Variants in CACNA2D1 observed in about 807,000 individuals in gnomAD.
CACNA2D1 encodes voltage-dependent calcium channel subunit alpha-2/delta-1.
CACNA2D1 carries 53 observed loss-of-function variants against 171.5 expected under a neutral mutation model. That is an observed-to-expected ratio of 0.31 (90% confidence interval 0.25 to 0.39). The LOEUF is 0.39. CACNA2D1 is among the 10% of genes least tolerant of loss of function. The probability of loss-of-function intolerance (pLI) is 1.00; values close to 1 mark genes in which losing one functional copy is unlikely to be tolerated. For missense variants in CACNA2D1, 903 were observed against 1,299.8 expected, an observed-to-expected ratio of 0.69 and a Z score of 4.69; for synonymous variants, 442 against 443.1, an observed-to-expected ratio of 1.00 and a Z score of 0.03.
intron 3 of CACNA2D1, among the ~76,000 whole-genome samples, chr7:82,179,907 T>A (rs1006262173): frequency 4.1e-5 from 6 of 144,826 alleles, no homozygotes; most frequent in Non-Finnish European, 6.0e-5. Flanking sequence ...CACCAAAAAA[T>A]ATTACATACA....
intron 11 of CACNA2D1, among the ~76,000 whole-genome samples, chr7:82,034,367 A>G (rs1045118495): frequency 1.3e-5 from 2 of 152,120 alleles, no homozygotes; most frequent in African/African-American, 4.8e-5. Context: ...TGTGAAAATT[A>G]ATAAATACAA....
At chr7:82,117,290 T>G in intron 5 of CACNA2D1, 117 bp from the exon 6 acceptor site, 1 of 1,005,024 alleles carries the variant, frequency 1.0e-6, no homozygotes, top group Non-Finnish European at 1.5e-6. Flanking sequence ...CAACAATTGT[T>G]TAAAATATAG....
intron 15 of CACNA2D1, 68 bp from the exon 16 acceptor site, chr7:82,007,824 C>CA (rs1292923314): frequency 3.5e-6 from 3 of 859,576 alleles, no homozygotes; most frequent in Admixed American, 1.7e-5. Flanking sequence ...AGTGCACTAA[C>CA]CTTTGATATC....
intron 4 of CACNA2D1, among the ~76,000 whole-genome samples, chr7:82,167,849 T>C (rs1795621030): frequency 6.6e-6 from 1 of 152,100 alleles, no homozygotes; most frequent in Non-Finnish European, 1.5e-5. Flanking sequence ...AGGAACAGAA[T>C]TTCTTCAAGA....
intron 12 of CACNA2D1, among the ~76,000 whole-genome samples, chr7:82,022,739 AAG>A (rs1801384576): frequency 1.3e-5 from 2 of 151,984 alleles, no homozygotes; most frequent in South Asian, 4.1e-4. Flanking sequence ...CAAAATAGAA[AAG>A]ACTTTCTCAA....
intron 3 of CACNA2D1, among the ~76,000 whole-genome samples, chr7:82,207,410 T>C (rs573550736): frequency 6.6e-6 from 1 of 152,258 alleles, no homozygotes; most frequent in East Asian, 1.9e-4. Context: ...AAATGAGACA[T>C]TCACAATAAA....
At chr7:82,120,021 A>G (rs574250567) in intron 5 of CACNA2D1, among the ~76,000 whole-genome samples, 57 of 152,232 alleles carry the variant, frequency 3.7e-4, no homozygotes, top group African/African-American at 1.3e-3. Context: ...CATCTCTACA[A>G]AAAATTTAAA....
chr7:82,392,785 T>C (rs1325116995), intron 1 of CACNA2D1, among the ~76,000 whole-genome samples: 1 of 152,158 alleles, frequency 6.6e-6, no homozygotes, highest in African/African-American at 2.4e-5. Context: ...CATTGGGTCT[T>C]TTCCCATATC....
chr7:82,233,378 A>G (rs1803177372), intron 3 of CACNA2D1, among the ~76,000 whole-genome samples: 1 of 152,232 alleles, frequency 6.6e-6, no homozygotes, highest in African/African-American at 2.4e-5. Flanking sequence ...ACATATTCAT[A>G]TGATGCATTC....
intron 5 of CACNA2D1, among the ~76,000 whole-genome samples, chr7:82,126,999 C>A (rs554727021): frequency 6.6e-6 from 1 of 152,184 alleles, no homozygotes; most frequent in South Asian, 2.1e-4. Flanking sequence ...ATATAATACG[C>A]CTGAGTTCAT....
chr7:82,401,623 G>A (rs1474485316), intron 1 of CACNA2D1, among the ~76,000 whole-genome samples: 4 of 151,424 alleles, frequency 2.6e-5, no homozygotes, highest in African/African-American at 9.7e-5. Context: ...GAGTTAGTGG[G>A]TGCAGCGCAC....
In CACNA2D1 at chr7:82,015,391, A is replaced by G. The variant is rs535709564; in HGVS notation, c.1144-912T>C. 2.5e-4 allele frequency among the ~76,000 whole-genome samples: 38 copies of G among 152,332 alleles called. No homozygotes were observed. In the South Asian group the frequency reaches 4.8e-3, roughly 19 times the overall value. On this transcript the variant is annotated intron_variant, in intron 12 of 38. Transcript: ENST00000356860. ...TTCTAAGCTCCTAGGATTTTTAAAT[A>G]TAATCAAAATATTGACTGTTCCTAA...
chr7:82,254,660 AATAAGC>A (rs1271319748), intron 3 of CACNA2D1, among the ~76,000 whole-genome samples: 3 of 152,168 alleles, frequency 2.0e-5, no homozygotes, highest in Non-Finnish European at 4.4e-5. Context: ...TCTTTGCCTA[AATAAGC>A]ATATCATTTT....
intron 3 of CACNA2D1, among the ~76,000 whole-genome samples, chr7:82,291,565 A>G (rs1585364118): frequency 1.4e-5 from 2 of 140,530 alleles, no homozygotes; most frequent in African/African-American, 2.6e-5. Context: ...AAATATATAT[A>G]TTTATATTTA....
intron 6 of CACNA2D1, among the ~76,000 whole-genome samples, chr7:82,094,868 C>G (rs1218165455): frequency 6.6e-6 from 1 of 152,160 alleles, no homozygotes; most frequent in East Asian, 1.9e-4. Context: ...CCTAGCCGTA[C>G]TCTTGGGTCT....
intron 24 of CACNA2D1, among the ~76,000 whole-genome samples, chr7:81,976,725 G>A (rs1795892181): frequency 6.6e-6 from 1 of 152,148 alleles, no homozygotes; most frequent in African/African-American, 2.4e-5. Flanking sequence ...ATGGTGGTGG[G>A]CACCTGTAAT....
intron 3 of CACNA2D1, among the ~76,000 whole-genome samples, chr7:82,223,402 T>C (rs17156035): frequency 0.018 from 2,803 of 152,264 alleles, 97 homozygotes; most frequent in African/African-American, 0.064. Context: ...AAATTAAACA[T>C]ACTATATATT....
Position 82,005,832 on chromosome 7 carries a change from A to G in CACNA2D1, c.1448T>C (p.Leu483Pro). 1.2e-6 allele frequency: 2 copies of G among 1,600,312 alleles called. No homozygotes were observed. The highest frequency in any genetic ancestry group is 1.7e-6 in the Non-Finnish European group (2 of 1,167,676). The change falls in exon 17 of 39, where the codon CTG becomes CCG. Residue 483 changes from leucine (L) to proline (P), a missense_variant. Physicochemically the swap from Leu to Pro is moderately conservative, Grantham distance 98. Coordinates refer to ENST00000356860, the MANE Select transcript of CACNA2D1 (RefSeq NM_000722.4). ...ATCTACTCCCATCACACCAAGAATC[A>G]GCTGGTTCTATAATAAGAGGGCAAA... The part of the protein sequence containing the change: ...FENKTNLKNQ[L>P]ILGVMGVDVS...
In CACNA2D1 at chr7:81,991,241, A is replaced by G. The variant is rs761279886; in HGVS notation, c.1740T>C (p.Tyr580=). Residue 580 remains tyrosine, a synonymous_variant, in exon 21 of 39, where the codon TAT becomes TAC. Transcript: ENST00000356860. The part of the protein sequence containing the change: ...RTLVKSQDER[Y]IDKGNRTYTW... ...TGTATGTCCTGTTTCCTTTGTCAAT[A>G]TATCTCTAGAAAGAAGTTTAACGTG... 15 of 1,492,110 alleles carry G rather than the reference A, an allele frequency of 1.0e-5. No individual in the cohort carries two copies. In the African/African-American group the frequency reaches 1.4e-4, roughly 14 times the overall value. The allele number at this position is 1,492,110 out of a possible 1,614,324, so 92.4% of individuals were successfully genotyped here. A position where few individuals can be genotyped will look rare whatever the true frequency, so the allele number is the denominator to read the frequency against.
Sources: allele counts gnomAD v4.1 joint callset (sites outside exome capture counted in the v4.1 genomes callset), GRCh38; gene constraint gnomAD v4.1.1; transcripts MANE v1.5; gene names NCBI Gene and HGNC (gene_info 2026-07-23, HGNC 2026-07-21).